Variants in NR2C1 observed in about 807,000 individuals in gnomAD.
NR2C1 encodes the protein nuclear receptor subfamily 2 group C member 1.
NR2C1 carries 33 observed loss-of-function variants against 74.8 expected under a neutral mutation model. The observed-to-expected ratio is 0.44, with a 90% CI of 0.33 to 0.59. NR2C1 has a LOEUF of 0.59. Among genes scored for constraint, NR2C1 ranks in the 20% least tolerant of loss-of-function variants. The probability of loss-of-function intolerance (pLI) is 0.02; values close to 1 mark genes in which losing one functional copy is unlikely to be tolerated. For missense variants in NR2C1, 568 were observed against 715.6 expected (o/e 0.79, Z 2.35); for synonymous variants, 225 against 240.6 (o/e 0.94, Z 0.60).
intron 1 of NR2C1, among the ~76,000 whole-genome samples, chr12:95,067,837 G>A (rs1224688710): frequency 1.3e-5 from 2 of 150,574 alleles, no homozygotes; most frequent in East Asian, 3.9e-4. Context: ...GTTGGTATTG[G>A]AATTATCAGC....
intron 10 of NR2C1, among the ~76,000 whole-genome samples, chr12:95,036,063 G>C (rs1205375974): frequency 1.3e-5 from 2 of 152,164 alleles, no homozygotes; most frequent in Non-Finnish European, 2.9e-5. Flanking sequence ...AAATGCTAAA[G>C]TCAGTAAATT....
intron 9 of NR2C1, among the ~76,000 whole-genome samples, chr12:95,042,192 T>C (rs535386928): frequency 5.9e-4 from 89 of 151,758 alleles, no homozygotes; most frequent in Non-Finnish European, 9.9e-4. Context: ...ATGACTATTA[T>C]AGCTTTCATC....
chr12:95,024,392 C>G (rs1003542764), intron 13 of NR2C1, among the ~76,000 whole-genome samples: 1 of 152,120 alleles, frequency 6.6e-6, no homozygotes, highest in African/African-American at 2.4e-5. Context: ...ATGAAGCTAG[C>G]AAGTGCAGGA....
chr12:95,025,251 A>G lies in NR2C1; in HGVS notation c.1536T>C (p.His512=). 6.4e-7 allele frequency: 1 copy of G among 1,557,918 alleles called. No individual in the cohort carries two copies. The highest frequency in any genetic ancestry group is 8.8e-7 in the Non-Finnish European group (1 of 1,135,398). Residue 512 remains histidine (H), a synonymous_variant, in exon 13 of 14, where the codon CAT becomes CAC. Coordinates refer to ENST00000333003, the MANE Select transcript of NR2C1 (RefSeq NM_003297.4). ...TCTGTTCCATGTTTTCTAGGCTTGG[A>G]TGATCTGAAACATTAAAGAAAACAT... ...LKAIVLFSPD[H]PSLENMEQIE...
At chr12:95,027,353 C>T (rs1428112820) in intron 12 of NR2C1, among the ~76,000 whole-genome samples, 1 of 152,178 alleles carries the variant, frequency 6.6e-6, no homozygotes, top group East Asian at 1.9e-4. Context: ...CTGCGCCCTG[C>T]CAAGGTCTAT....
intron 2 of NR2C1, 37 bp downstream of exon 2, chr12:95,067,294 T>C (rs770235048): frequency 1.6e-5 from 25 of 1,571,382 alleles, no homozygotes; most frequent in Non-Finnish European, 2.2e-5. Context: ...TTAGAAAAGT[T>C]TGGTGGGCCA....
At chr12:95,058,757 TG>T (rs1874289040) in intron 4 of NR2C1, among the ~76,000 whole-genome samples, 1 of 152,140 alleles carries the variant, frequency 6.6e-6, no homozygotes. Context: ...CCCAACTAGC[TG>T]GGACTACAGG....
intron 7 of NR2C1, among the ~76,000 whole-genome samples, chr12:95,055,248 A>G (rs956103176): frequency 1.3e-5 from 2 of 152,232 alleles, no homozygotes; most frequent in Admixed American, 6.5e-5. Context: ...ACAATTTAAT[A>G]CAAAGATATA....
chr12:95,054,691 C>A (rs1209644620), intron 7 of NR2C1, among the ~76,000 whole-genome samples: 1 of 152,150 alleles, frequency 6.6e-6, no homozygotes, highest in African/African-American at 2.4e-5. Context: ...CTTTAATATT[C>A]ACCTAAAACT....
rs11291964 is a variant in NR2C1 at position 95,025,658 on chromosome 12, T to TAAA, written c.1532-406_1532-404dup. 4.8e-3 allele frequency among the ~76,000 whole-genome samples: 417 copies of TAAA among 86,530 alleles called. 3 individuals are homozygous for TAAA. The highest frequency in any genetic ancestry group is 0.014 in the African/African-American group (312 of 21,950). 56.8% of individuals were successfully genotyped at this position (86,530 alleles called of 152,430 possible). A position where few individuals can be genotyped will look rare whatever the true frequency, so the allele number is the denominator to read the frequency against. The stretch of plus-strand genomic sequence containing the variant: ...GGGCAACAAGAGTGAAACTCTGTCT[T>TAAA]AAAAAAAAAAAAAAAAAAAAAAAAG... On this transcript the variant is annotated intron_variant, in intron 12 of 13. Coordinates refer to ENST00000333003, the MANE Select transcript of NR2C1 (RefSeq NM_003297.4).
intron 3 of NR2C1, among the ~76,000 whole-genome samples, chr12:95,061,115 T>C (rs1255299179): frequency 6.6e-6 from 1 of 152,172 alleles, no homozygotes; most frequent in Non-Finnish European, 1.5e-5. Flanking sequence ...TCCTACAATA[T>C]ACCTGGCCAG....
intron 12 of NR2C1, among the ~76,000 whole-genome samples, chr12:95,027,833 CA>C (rs34769670): frequency 1.3e-5 from 2 of 151,702 alleles, no homozygotes; most frequent in African/African-American, 2.4e-5. Context: ...TTTGTCACTC[CA>C]AAAAAAACAC....
At chr12:95,040,011 C>CTT (rs764664377) in intron 10 of NR2C1, among the ~76,000 whole-genome samples, 1 of 143,938 alleles carries the variant, frequency 6.9e-6, no homozygotes, top group Admixed American at 7.0e-5. Context: ...TTTACATTTT[C>CTT]TTTTTTTTTT....
chr12:95,022,889 G>A (rs1868928516), intron 13 of NR2C1, among the ~76,000 whole-genome samples: 1 of 149,554 alleles, frequency 6.7e-6, no homozygotes, highest in South Asian at 2.1e-4. Flanking sequence ...TTTTTGTAGA[G>A]ACAGGGTCTC....
chr12:95,063,790 G>A (rs1286771354), intron 2 of NR2C1, among the ~76,000 whole-genome samples: 1 of 152,194 alleles, frequency 6.6e-6, no homozygotes, highest in Non-Finnish European at 1.5e-5. Flanking sequence ...AGCACTTTGG[G>A]AGGCTGAGGC....
At chr12:95,033,848 G>A (rs1194957255) in intron 10 of NR2C1, among the ~76,000 whole-genome samples, 5 of 152,202 alleles carry the variant, frequency 3.3e-5, no homozygotes, top group Admixed American at 3.3e-4. Flanking sequence ...ACAGGCAGAT[G>A]TGAGAACTTT....
intron 1 of NR2C1, among the ~76,000 whole-genome samples, chr12:95,067,815 G>A (rs368045498): frequency 1.1e-4 from 16 of 150,878 alleles, no homozygotes; most frequent in African/African-American, 2.9e-4. Flanking sequence ...TTCCTGTCTC[G>A]ACCTCCCAAG....
rs369087077 is a variant in NR2C1, at chr12:95,057,743, C to T, written c.680G>A (p.Ser227Asn). The T allele has an allele frequency of 1.1e-5, 18 of 1,613,846 alleles. No homozygotes were observed. In the African/African-American group the frequency reaches 2.0e-4, roughly 18 times the overall value. Reference sequence around the variant, plus strand: ...TGTTTTACTTTACCTTGTACTTTCACTATCTGTTACAAAAGTTGGAGTTGC... The same window carrying T: ...TGTTTTACTTTACCTTGTACTTTCATTATCTGTTACAAAAGTTGGAGTTGC... ...LTATPTFVTD[S>N]ESTRSTGLLD... Residue 227 changes from serine (S) to asparagine (N), a missense_variant, in exon 6 of 14, where the codon AGT (serine) becomes AAT (asparagine). Ser to Asn is a conservative substitution (Grantham distance 46). This residue lies in a region of NR2C1 where 239 missense variants were observed against 232.3 expected (regional missense o/e 1.03). Transcript: ENST00000333003.
At chr12:95,064,648 G>C (rs1027738838) in intron 2 of NR2C1, among the ~76,000 whole-genome samples, 11 of 152,044 alleles carry the variant, frequency 7.2e-5, no homozygotes, top group Admixed American at 2.6e-4. Flanking sequence ...CTGCCATCTG[G>C]GGGGGAGGAA....
Sources: gnomAD v4.1 joint callset for allele counts (sites outside exome capture counted in the v4.1 genomes callset) on GRCh38, gnomAD v4.1.1 for gene constraint, gnomAD v4.1.1 regional missense constraint, MANE v1.5 for transcripts, NCBI Gene and HGNC (gene_info 2026-07-23, HGNC 2026-07-21) for gene names.